The following FAM168A variants were observed in gnomAD, a reference collection of about 807,000 sequenced individuals.
The protein encoded by FAM168A is protein FAM168A.
FAM168A carries 3 observed loss-of-function variants against 28.5 expected under a neutral mutation model. The ratio of observed to expected loss-of-function variants is 0.11; its 90% CI spans 0.05 to 0.27. The LOEUF is 0.27. Among genes scored for constraint, FAM168A ranks in the 10% least tolerant of loss-of-function variants. The pLI is 1.00. For missense variants in FAM168A, 222 were observed against 311.5 expected (o/e 0.71, Z 2.16); for synonymous variants, 122 against 124.2 (o/e 0.98, Z 0.12).
intron 1 of FAM168A, among the ~76,000 whole-genome samples, chr11:73,524,791 G>A (rs1943429414): frequency 6.6e-6 from 1 of 151,990 alleles, no homozygotes; most frequent in Non-Finnish European, 1.5e-5. Flanking sequence ...TGAAGACAGG[G>A]TTTCACCATG....
rs942505749 is a variant in FAM168A, at chr11:73,484,520, A to C, written c.-18-16028T>G. On this transcript the variant is annotated intron_variant, in intron 1 of 7. Coordinates refer to ENST00000356467, the MANE Select transcript of FAM168A (RefSeq NM_015159.3). ...AGAGGAGAGAGAGATATATATAGAT[A>C]TATATATCTATATATCTATATATCT... Among the ~76,000 whole-genome samples the C allele has an allele frequency of 7.6e-4, 103 of 134,994 alleles. 1 individual carries two copies. The highest frequency in any genetic ancestry group is 2.5e-3 in the African/African-American group (84 of 33,728). 88.6% of individuals were successfully genotyped at this position (134,994 alleles called of 152,430 possible). A position where few individuals can be genotyped will look rare whatever the true frequency, so the allele number is the denominator to read the frequency against.
chr11:73,531,645 T>G (rs1413554658), intron 1 of FAM168A, among the ~76,000 whole-genome samples: 1 of 152,042 alleles, frequency 6.6e-6, no homozygotes, highest in East Asian at 1.9e-4. Context: ...TACTCTCCAA[T>G]TCTAACTGAA....
At chr11:73,484,403 T>TC (rs1590808532) in intron 1 of FAM168A, among the ~76,000 whole-genome samples, 1 of 151,372 alleles carries the variant, frequency 6.6e-6, no homozygotes, top group African/African-American at 2.4e-5. Flanking sequence ...ATCCTTTTCT[T>TC]CCCCAGGGTA....
intron 2 of FAM168A, among the ~76,000 whole-genome samples, chr11:73,462,378 G>A (rs1297791833): frequency 6.6e-6 from 1 of 152,146 alleles, no homozygotes; most frequent in Non-Finnish European, 1.5e-5. Flanking sequence ...TCATTTATAT[G>A]AGCATCTAGA....
At chr11:73,543,478 C>T (rs1299693990) in intron 1 of FAM168A, among the ~76,000 whole-genome samples, 1 of 152,050 alleles carries the variant, frequency 6.6e-6, no homozygotes, top group Non-Finnish European at 1.5e-5. Flanking sequence ...CCAGGCTAGT[C>T]TCAAACTCCC....
At position 73,459,879 on chromosome 11, in the gene FAM168A, A is replaced by ATTTTT. The variant is rs918564469; in HGVS notation, c.70+8521_70+8525dup. Among the ~76,000 whole-genome samples, 52 of 108,438 alleles carry ATTTTT rather than the reference A, an allele frequency of 4.8e-4. 1 individual carries two copies. The highest frequency in any genetic ancestry group is 1.6e-3 in the African/African-American group (39 of 24,994). The allele number at this position is 108,438 out of a possible 152,430, so 71.1% of individuals were successfully genotyped here. A position where few individuals can be genotyped will look rare whatever the true frequency, so the allele number is the denominator to read the frequency against. On this transcript the variant is annotated intron_variant, in intron 2 of 7. Transcript: ENST00000356467. ...CAGTCACAACAGATAATCCAAATGA[A>ATTTTT]TTTTTTTTTTTTTTTTTTTTTTTGA... is the stretch of plus-strand genomic sequence containing the variant.
chr11:73,441,299 C>T (rs905650272), intron 2 of FAM168A, among the ~76,000 whole-genome samples: 7 of 152,080 alleles, frequency 4.6e-5, no homozygotes, highest in Non-Finnish European at 8.8e-5. Flanking sequence ...CCTTGTGATC[C>T]GCCCACCTCA....
At chr11:73,445,419 CTTTTTTTTTTT>C (rs56294455) in intron 2 of FAM168A, among the ~76,000 whole-genome samples, 16 of 50,436 alleles carry the variant, frequency 3.2e-4, no homozygotes, top group East Asian at 7.1e-4. Flanking sequence ...AAAAATGTCT[CTTTTTTTTTTT>C]TTTTTTTTTT....
intron 1 of FAM168A, among the ~76,000 whole-genome samples, chr11:73,496,890 C>A (rs113240076): frequency 1.3e-5 from 2 of 149,372 alleles, no homozygotes; most frequent in Non-Finnish European, 3.0e-5. Flanking sequence ...CACACACACA[C>A]ACACACACAC....
At chr11:73,556,297 T>A (rs1943888567) in intron 1 of FAM168A, among the ~76,000 whole-genome samples, 1 of 151,698 alleles carries the variant, frequency 6.6e-6, no homozygotes, top group African/African-American at 2.4e-5. Flanking sequence ...TGCAATAAGC[T>A]ATGATCGTGC....
At chr11:73,408,203 T>C (rs1866542991) in intron 6 of FAM168A, among the ~76,000 whole-genome samples, 1 of 152,200 alleles carries the variant, frequency 6.6e-6, no homozygotes. Context: ...GCTTCTCTTA[T>C]TGCACAATCA....
chr11:73,593,214 T>C (rs1944401833), intron 1 of FAM168A, among the ~76,000 whole-genome samples: 1 of 152,168 alleles, frequency 6.6e-6, no homozygotes, highest in Non-Finnish European at 1.5e-5. Context: ...TTCAATCAAG[T>C]AGGACCTCAC....
chr11:73,421,951 C>G (rs1866800414), intron 3 of FAM168A, among the ~76,000 whole-genome samples: 1 of 152,222 alleles, frequency 6.6e-6, no homozygotes, highest in Non-Finnish European at 1.5e-5. Context: ...TGACATTAGC[C>G]TGAAGGACTG....
At chr11:73,466,034 C>T (rs1867730414) in intron 2 of FAM168A, among the ~76,000 whole-genome samples, 1 of 152,076 alleles carries the variant, frequency 6.6e-6, no homozygotes, top group Admixed American at 6.6e-5. Context: ...TGGAATACTG[C>T]ACCACAAAAC....
chr11:73,592,282 G>T (rs1944392252), intron 1 of FAM168A, among the ~76,000 whole-genome samples: 1 of 152,196 alleles, frequency 6.6e-6, no homozygotes, highest in South Asian at 2.1e-4. Flanking sequence ...ATAAACTGAG[G>T]TTTTCTCAGA....
chr11:73,594,566 T>A (rs1307310074), intron 1 of FAM168A, among the ~76,000 whole-genome samples: 1 of 152,050 alleles, frequency 6.6e-6, no homozygotes, highest in African/African-American at 2.4e-5. Context: ...TGAGACAGAG[T>A]TTCGCTCTTG....
Position 73,477,968 on chromosome 11 carries a change from GATAA to G in FAM168A, c.-18-9480_-18-9477del, listed in dbSNP as rs989346233. Among the ~76,000 whole-genome samples the G allele has an allele frequency of 4.3e-4, 56 of 131,582 alleles. No individual in the cohort carries two copies. In the South Asian group the frequency reaches 5.8e-3, roughly 14 times the overall value. The allele number at this position is 131,582 out of a possible 152,430, so 86.3% of individuals were successfully genotyped here. A position where few individuals can be genotyped will look rare whatever the true frequency, so the allele number is the denominator to read the frequency against. On this transcript the variant is annotated intron_variant, in intron 1 of 7. Transcript: ENST00000356467. ...AGATAGATAGATAGATAGATAGATAGATAAAACAAGGTATAAATATTTTTCGTGT... is the reference window on the plus strand; with the variant it reads ...AGATAGATAGATAGATAGATAGATAGAACAAGGTATAAATATTTTTCGTGT...
chr11:73,524,795 C>T (rs561216167), intron 1 of FAM168A, among the ~76,000 whole-genome samples: 1 of 152,230 alleles, frequency 6.6e-6, no homozygotes, highest in South Asian at 2.1e-4. Context: ...GACAGGGTTT[C>T]ACCATGTTGG....
chr11:73,518,793 A>G (rs1943337035), intron 1 of FAM168A, among the ~76,000 whole-genome samples: 1 of 152,136 alleles, frequency 6.6e-6, no homozygotes. Flanking sequence ...GATACTCAGG[A>G]GGCTGAGGCA....
Sources: allele counts gnomAD v4.1 joint callset (sites outside exome capture counted in the v4.1 genomes callset), GRCh38; gene constraint gnomAD v4.1.1; transcripts MANE v1.5; gene names NCBI Gene and HGNC (gene_info 2026-07-23, HGNC 2026-07-21).